PTK2: variants seen among roughly 807,000 people sequenced by gnomAD.
PTK2 encodes the protein protein tyrosine kinase 2.
Under a neutral mutation model 150.1 loss-of-function variants are expected in PTK2, and 45 were observed. The ratio of observed to expected loss-of-function variants is 0.30; its 90% CI spans 0.24 to 0.38. The LOEUF is 0.38. PTK2 is among the 10% of genes least tolerant of loss of function. The pLI, the probability that PTK2 is intolerant of heterozygous loss-of-function variation, is 1.00. For synonymous variants in PTK2, 432 were observed against 449.2 expected, an observed-to-expected ratio of 0.96 and a Z score of 0.48; for missense variants, 919 against 1,307.3, an observed-to-expected ratio of 0.70 and a Z score of 4.58.
At chr8:140,986,383 A>G (rs1032485332) in intron 1 of PTK2, among the ~76,000 whole-genome samples, 1 of 152,272 alleles carries the variant, frequency 6.6e-6, no homozygotes, top group Non-Finnish European at 1.5e-5. Context: ...TCTGAAAAAG[A>G]CTAAAAGAAA....
chr8:140,867,502 A>G (rs1368763468), intron 4 of PTK2, among the ~76,000 whole-genome samples: 1 of 152,214 alleles, frequency 6.6e-6, no homozygotes, highest in African/African-American at 2.4e-5. Context: ...ACTTAACTCA[A>G]GCCTGCTTAT....
intron 1 of PTK2, among the ~76,000 whole-genome samples, chr8:140,949,611 G>GC (rs1376387566): frequency 6.6e-6 from 1 of 152,224 alleles, no homozygotes; most frequent in Non-Finnish European, 1.5e-5. Context: ...TGACACACCA[G>GC]CCCCCTGCCG....
intron 17 of PTK2, among the ~76,000 whole-genome samples, chr8:140,748,718 G>C (rs757356610): frequency 1.3e-5 from 2 of 152,138 alleles, no homozygotes; most frequent in Non-Finnish European, 2.9e-5. Flanking sequence ...ACATATCTGT[G>C]TGTGAACATG....
intron 10 of PTK2, 111 bp from the exon 11 acceptor site, chr8:140,803,761 TGGAGGTCTGGGGAAA>T: frequency 1.0e-6 from 1 of 974,064 alleles, no homozygotes; most frequent in Admixed American, 2.3e-5. Context: ...TCCCTAAGAC[TGGAGGTCTGGGGAAA>T]AAAACAGATT....
chr8:140,728,817 G>A (rs769068240), intron 22 of PTK2, among the ~76,000 whole-genome samples: 48 of 152,176 alleles, frequency 3.2e-4, no homozygotes, highest in Admixed American at 1.1e-3. Flanking sequence ...CACTGCACCC[G>A]GCCAGATTAT....
At chr8:140,718,700 C>T (rs2100041147) in intron 22 of PTK2, 1 of 152,206 alleles carries the variant, frequency 6.6e-6, no homozygotes, top group Non-Finnish European at 1.5e-5. Flanking sequence ...TTTAAAAAGA[C>T]ATTCCTGCTT....
At chr8:140,973,119 T>C (rs2100187966) in intron 1 of PTK2, among the ~76,000 whole-genome samples, 1 of 152,250 alleles carries the variant, frequency 6.6e-6, no homozygotes, top group African/African-American at 2.4e-5. Context: ...TAATAATTTC[T>C]TGAACTCCCT....
At chr8:140,665,740 C>T (rs1007165807) in intron 30 of PTK2, among the ~76,000 whole-genome samples, 4 of 151,882 alleles carry the variant, frequency 2.6e-5, no homozygotes, top group Non-Finnish European at 5.9e-5. Context: ...ACAAAAAGAA[C>T]GTCATTTGGC....
intron 27 of PTK2, among the ~76,000 whole-genome samples, chr8:140,685,042 A>C (rs1476200025): frequency 6.6e-6 from 1 of 152,234 alleles, no homozygotes; most frequent in Non-Finnish European, 1.5e-5. Context: ...GTACAAAAAC[A>C]GACACACAGA....
At chr8:140,680,819 T>C (rs961974751) in intron 27 of PTK2, among the ~76,000 whole-genome samples, 1 of 152,218 alleles carries the variant, frequency 6.6e-6, no homozygotes, top group Admixed American at 6.5e-5. Context: ...TGTCAGCCAC[T>C]GTGCCCGACT....
chr8:140,886,320 T>C (rs2100152276), intron 3 of PTK2, among the ~76,000 whole-genome samples: 1 of 152,170 alleles, frequency 6.6e-6, no homozygotes, highest in Admixed American at 6.5e-5. Flanking sequence ...CTTTTCCAAG[T>C]ACTGCAGGTT....
intron 31 of PTK2, chr8:140,662,664 G>A (rs1452342263): frequency 1.8e-6 from 1 of 555,428 alleles, no homozygotes; most frequent in East Asian, 2.9e-5. Flanking sequence ...ATCACCAACA[G>A]GAGTTGTGTC....
At chr8:140,985,262 T>C (rs2100192889) in intron 1 of PTK2, among the ~76,000 whole-genome samples, 1 of 152,110 alleles carries the variant, frequency 6.6e-6, no homozygotes, top group African/African-American at 2.4e-5. Context: ...TACCTGGGAC[T>C]ACAGGTATGC....
At chr8:140,837,671 C>T (rs560663822) in intron 7 of PTK2, among the ~76,000 whole-genome samples, 1 of 152,164 alleles carries the variant, frequency 6.6e-6, no homozygotes, top group South Asian at 2.1e-4. Flanking sequence ...GGAGGTTACA[C>T]TGGGCTGAGA....
intron 22 of PTK2, among the ~76,000 whole-genome samples, chr8:140,719,771 C>A (rs1448645523): frequency 6.6e-6 from 1 of 151,476 alleles, no homozygotes; most frequent in African/African-American, 2.4e-5. Flanking sequence ...TGCCTGTAAT[C>A]CCAGCATTCT....
At chr8:140,961,902 G>A (rs2100183325) in intron 1 of PTK2, among the ~76,000 whole-genome samples, 2 of 151,980 alleles carry the variant, frequency 1.3e-5, no homozygotes, top group Non-Finnish European at 2.9e-5. Context: ...CTGGAGTGGT[G>A]GTGTTTTAGG....
At chr8:140,931,214 T>A in intron 1 of PTK2, among the ~76,000 whole-genome samples, 1 of 152,202 alleles carries the variant, frequency 6.6e-6, no homozygotes, top group East Asian at 1.9e-4. Flanking sequence ...ATAGAATCAC[T>A]GTTCCTAATT....
chr8:140,695,022 C>T (rs767338466), intron 26 of PTK2, among the ~76,000 whole-genome samples: 3 of 152,246 alleles, frequency 2.0e-5, no homozygotes, highest in Admixed American at 6.5e-5. Flanking sequence ...CCAGCGCAGA[C>T]CACCTCCTCT....
At position 140,800,505 on chromosome 8, in the gene PTK2, C is replaced by A. The variant is rs139753749; in HGVS notation, c.1047G>T (p.Arg349=). 8.3e-3 allele frequency: 13,358 copies of A among 1,613,792 alleles called. 88 individuals are homozygous for A. The highest frequency in any genetic ancestry group is 0.015 in the South Asian group (1,351 of 91,056). ...ATGACTGCGAGGTTCCATTCACCAGCCGGCAGTACCCATCTATTAGGTCAG... is the reference window on the plus strand; with the variant it reads ...ATGACTGCGAGGTTCCATTCACCAGACGGCAGTACCCATCTATTAGGTCAG... The change falls in exon 12 of 32, where the codon CGG becomes CGT. Residue 349 remains arginine (R), a synonymous_variant. Coordinates refer to ENST00000522684, the Ensembl canonical transcript of PTK2.
Sources: allele counts gnomAD v4.1 joint callset (sites outside exome capture counted in the v4.1 genomes callset), GRCh38; gene constraint gnomAD v4.1.1; transcripts MANE v1.5; gene names NCBI Gene and HGNC (gene_info 2026-07-23, HGNC 2026-07-21).